GOLM1: variants seen among roughly 807,000 people sequenced by gnomAD.
The protein encoded by GOLM1 is golgi membrane protein 1.
In GOLM1, 31 loss-of-function variants were observed where a neutral mutation model predicts 50.5. That is an observed-to-expected ratio of 0.61 (90% CI 0.46 to 0.83). The LOEUF (loss-of-function observed/expected upper bound fraction) is 0.83, where lower values mean the gene tolerates loss of function less well. Ranked by LOEUF, GOLM1 falls within the 40% of genes least tolerant of loss-of-function variation. The pLI is 0.00. For synonymous variants in GOLM1, 178 were observed against 192.8 expected, an observed-to-expected ratio of 0.92 and a Z score of 0.64; for missense variants, 491 against 501.3, an observed-to-expected ratio of 0.98 and a Z score of 0.20.
intron 9 of GOLM1, among the ~76,000 whole-genome samples, chr9:86,029,338 C>T (rs1048739291): frequency 3.3e-5 from 5 of 152,166 alleles, no homozygotes; most frequent in East Asian, 1.9e-4. Context: ...CGCTCCTGTG[C>T]GGCGTGACTC....
intron 5 of GOLM1, among the ~76,000 whole-genome samples, chr9:86,042,808 A>G (rs1306345488): frequency 6.6e-6 from 1 of 152,222 alleles, no homozygotes; most frequent in African/African-American, 2.4e-5. Context: ...TTGCAGATCA[A>G]CTGGGGCTTT....
At chr9:86,075,111 C>T (rs148987027) in intron 3 of GOLM1, among the ~76,000 whole-genome samples, 7 of 152,192 alleles carry the variant, frequency 4.6e-5, no homozygotes, top group East Asian at 1.9e-4. Flanking sequence ...GCAAGGACAC[C>T]GCAAGAAGAA....
chr9:86,040,652 G>A (rs1267063605), intron 6 of GOLM1, 87 bp downstream of exon 6: 9 of 1,313,732 alleles, frequency 6.9e-6, no homozygotes, highest in Non-Finnish European at 9.6e-6. Flanking sequence ...GCAGAATCCA[G>A]AGAAAGCCAG....
In GOLM1 at chr9:86,052,555, G is replaced by A. The variant is rs1833790051; in HGVS notation, c.346C>T (p.Leu116Phe). The stretch of plus-strand genomic sequence containing the variant: ...AACTTACCTTGCAGCACTCGGATGA[G>A]CCTCTCACCTGTGGTGATGTTATTC... Reference protein sequence around the residue: ...LVNNITTGERLIRVLQDQLKT... With the variant: ...LVNNITTGERFIRVLQDQLKT... Residue 116 changes from leucine (L) to phenylalanine (F), a missense_variant, in exon 4 of 10, where the codon CTC becomes TTC. Transcript: ENST00000388712. 1 of 1,613,718 alleles carries A rather than the reference G, an allele frequency of 6.2e-7. No individual in the cohort carries two copies. The highest frequency in any genetic ancestry group is 2.2e-5 in the East Asian group (1 of 44,880).
chr9:86,049,371 T>C (rs903672753), intron 4 of GOLM1, among the ~76,000 whole-genome samples: 4 of 152,218 alleles, frequency 2.6e-5, no homozygotes, highest in Non-Finnish European at 4.4e-5. Context: ...TTTGGTTCCA[T>C]ATGAACTTTA....
At chr9:86,056,290 T>C (rs895892682) in intron 3 of GOLM1, among the ~76,000 whole-genome samples, 1 of 151,882 alleles carries the variant, frequency 6.6e-6, no homozygotes, top group Admixed American at 6.6e-5. Context: ...TACTTATGCA[T>C]GGAAAAATAC....
chr9:86,053,909 C>T (rs1833907956), intron 3 of GOLM1, among the ~76,000 whole-genome samples: 1 of 151,770 alleles, frequency 6.6e-6, no homozygotes, highest in African/African-American at 2.4e-5. Flanking sequence ...TCCACACCAG[C>T]CCAGGTCTCC....
Position 86,046,481 on chromosome 9 carries a change from G to GAACTTCCTCTC in GOLM1, c.445_455dup (p.Phe152LeufsTer9). The GAACTTCCTCTC allele has an allele frequency of 6.2e-7, 1 of 1,604,288 alleles. No individual in the cohort carries two copies. Among genetic ancestry groups the GAACTTCCTCTC allele is most frequent in the Non-Finnish European group, 8.5e-7 (1 of 1,170,974 alleles). On this transcript the variant is annotated frameshift_variant, in exon 5 of 10. Transcript: ENST00000388712. LOFTEE classifies it high-confidence loss of function. ...TGAGGTGTACTCACAGGTCGTAGGA[G>GAACTTCCTCTC]AACTTCCTCTCCAGGTTGGTCTGGT... is the stretch of plus-strand genomic sequence containing the variant.
chr9:86,044,845 G>A (rs1450205174), intron 5 of GOLM1, among the ~76,000 whole-genome samples: 9 of 151,782 alleles, frequency 5.9e-5, no homozygotes, highest in Admixed American at 5.3e-4. Context: ...CCAGCTACTC[G>A]GGAGGCTGAG....
intron 7 of GOLM1, 36 bp from the exon 8 acceptor site, chr9:86,035,661 G>C (rs1481095807): frequency 2.1e-5 from 21 of 997,628 alleles, no homozygotes; most frequent in South Asian, 5.2e-5. Flanking sequence ...GACCTTGCCA[G>C]CATTTGATTT....
At chr9:86,090,446 G>T (rs534299216) in intron 1 of GOLM1, among the ~76,000 whole-genome samples, 4 of 152,298 alleles carry the variant, frequency 2.6e-5, no homozygotes, top group Admixed American at 2.0e-4. Context: ...GCTCAGAGAG[G>T]AGGAATCTAG....
Position 86,064,118 on chromosome 9 carries a change from G to A in GOLM1, c.310-11527C>T, listed in dbSNP as rs1178429594. On this transcript the variant is annotated intron_variant, in intron 3 of 9. Transcript: ENST00000388712. Reference sequence around the variant, plus strand: ...GACCCAGCACTAGGACACCCACTGAGGCACAGTCTGCAGTGAAGGACATCT... The same window carrying A: ...GACCCAGCACTAGGACACCCACTGAAGCACAGTCTGCAGTGAAGGACATCT... 3.3e-5 allele frequency among the ~76,000 whole-genome samples: 5 copies of A among 152,300 alleles called. No homozygotes were observed. In the East Asian group the frequency reaches 9.6e-4, roughly 29 times the overall value.
chr9:86,078,865 G>A (rs989996409), intron 2 of GOLM1, among the ~76,000 whole-genome samples: 6 of 152,160 alleles, frequency 3.9e-5, no homozygotes, highest in East Asian at 3.8e-4. Context: ...CGCAAACAAC[G>A]GACTATGGCC....
intron 5 of GOLM1, among the ~76,000 whole-genome samples, 178 bp from the exon 6 acceptor site, chr9:86,041,046 AAC>A (rs1473341552): frequency 6.6e-6 from 1 of 152,208 alleles, no homozygotes; most frequent in Admixed American, 6.5e-5. Flanking sequence ...GACCAAAAGA[AAC>A]ACACTAAAAA....
At chr9:86,028,062 G>C (rs532820236) in intron 9 of GOLM1, among the ~76,000 whole-genome samples, 169 bp from the exon 10 acceptor site, 19 of 152,058 alleles carry the variant, frequency 1.2e-4, no homozygotes, top group Admixed American at 9.2e-4. Context: ...AGATGGCAAC[G>C]GTGATATGGG....
In GOLM1 at chr9:86,027,628, C is replaced by T. The variant is rs1832826748; in HGVS notation, c.*189G>A. The T allele has an allele frequency of 2.2e-6, 3 of 1,360,970 alleles. No homozygotes were observed. The highest frequency in any genetic ancestry group is 1.5e-5 in the African/African-American group (1 of 66,642). 84.3% of individuals were successfully genotyped at this position (1,360,970 alleles called of 1,614,324 possible). On this transcript the variant is annotated 3_prime_UTR_variant, in exon 10 of 10. Coordinates refer to ENST00000388712, the MANE Select transcript of GOLM1 (RefSeq NM_016548.4). ...CACCTTATTAGACACTTCCAAAGTA[C>T]CCCCCAAAAGCTGTTTAAAAGACCA...
At chr9:86,032,613 G>A (rs1833019787) in intron 9 of GOLM1, among the ~76,000 whole-genome samples, 1 of 152,138 alleles carries the variant, frequency 6.6e-6, no homozygotes, top group African/African-American at 2.4e-5. Context: ...CACCACTTGG[G>A]CAATGTTCAT....
intron 3 of GOLM1, among the ~76,000 whole-genome samples, chr9:86,058,124 G>T (rs1284790434): frequency 1.3e-5 from 2 of 152,180 alleles, no homozygotes; most frequent in African/African-American, 2.4e-5. Flanking sequence ...AGAATATCAA[G>T]TATTCATTGG....
chr9:86,044,326 G>A (rs982440140), intron 5 of GOLM1, among the ~76,000 whole-genome samples: 18 of 152,234 alleles, frequency 1.2e-4, no homozygotes, highest in African/African-American at 4.1e-4. Flanking sequence ...ACAGAGACGT[G>A]TACTTGGGGC....
Sources: allele counts gnomAD v4.1 joint callset (sites outside exome capture counted in the v4.1 genomes callset), GRCh38; gene constraint gnomAD v4.1.1; transcripts MANE v1.5; gene names NCBI Gene and HGNC (gene_info 2026-07-23, HGNC 2026-07-21).